The following GPHN variants were observed in gnomAD, a reference collection of about 807,000 sequenced individuals.
The protein encoded by GPHN is gephyrin.
GPHN carries 17 observed loss-of-function variants against 95.5 expected under a neutral mutation model. That is an observed-to-expected ratio of 0.18 (90% confidence interval 0.12 to 0.27). The LOEUF (loss-of-function observed/expected upper bound fraction) is 0.27. GPHN is among the 10% of genes least tolerant of loss of function. The pLI, the probability that GPHN is intolerant of heterozygous loss-of-function variation, is 1.00. For missense variants in GPHN, 660 were observed against 978.1 expected (o/e 0.67, Z 4.34); for synonymous variants, 320 against 322.5 (o/e 0.99, Z 0.08).
At chr14:66,850,376 A>G (rs994017579) in intron 4 of GPHN, among the ~76,000 whole-genome samples, 1 of 152,206 alleles carries the variant, frequency 6.6e-6, no homozygotes, top group Non-Finnish European at 1.5e-5. Context: ...AAACCATTTT[A>G]TAAACTTCTC....
At chr14:67,581,005 G>A in the GPHN span, 1 of 1,613,092 alleles carries the variant, frequency 6.2e-7, no homozygotes, top group Non-Finnish European at 8.5e-7. Context: ...TCTGAGGGTG[G>A]GACACGCGTC....
intron 1 of GPHN, among the ~76,000 whole-genome samples, chr14:66,615,789 C>T (rs2062987772): frequency 6.6e-6 from 1 of 151,276 alleles, no homozygotes; most frequent in African/African-American, 2.4e-5. Context: ...GAAGTCTTTG[C>T]CCATGCCTGT....
the GPHN span, among the ~76,000 whole-genome samples, chr14:67,331,651 CT>C: frequency 6.6e-6 from 1 of 151,962 alleles, no homozygotes; most frequent in Admixed American, 6.6e-5. Flanking sequence ...ACATGAAGTA[CT>C]AAATAAGTGA....
chr14:67,709,036 T>A, the GPHN span, among the ~76,000 whole-genome samples: 1 of 152,186 alleles, frequency 6.6e-6, no homozygotes, highest in Non-Finnish European at 1.5e-5. Flanking sequence ...CATGATCCGC[T>A]GGCCTTGGCT....
intron 10 of GPHN, among the ~76,000 whole-genome samples, chr14:67,050,838 C>T (rs72715310): frequency 0.052 from 7,692 of 148,386 alleles, 213 homozygotes; most frequent in Middle Eastern, 0.07. Flanking sequence ...TGAGGAAAAG[C>T]AGAGTGGAGT....
chr14:67,313,744 T>G, the GPHN span, among the ~76,000 whole-genome samples: 2 of 152,148 alleles, frequency 1.3e-5, no homozygotes, highest in Non-Finnish European at 2.9e-5. Flanking sequence ...CTTACATACT[T>G]TACTTGAAAG....
intron 1 of GPHN, among the ~76,000 whole-genome samples, chr14:66,600,371 G>A (rs1445282341): frequency 1.3e-5 from 2 of 151,992 alleles, no homozygotes; most frequent in Non-Finnish European, 2.9e-5. Context: ...ATATTTGTCA[G>A]TATTCTAAGT....
At chr14:66,994,658 G>C (rs2071663244) in intron 9 of GPHN, among the ~76,000 whole-genome samples, 1 of 152,150 alleles carries the variant, frequency 6.6e-6, no homozygotes, top group Non-Finnish European at 1.5e-5. Context: ...GAAAGATAAA[G>C]TATTTCAGTT....
chr14:66,932,457 T>TTGTTTTG (rs1555444719), intron 8 of GPHN, among the ~76,000 whole-genome samples: 5 of 124,208 alleles, frequency 4.0e-5, no homozygotes, highest in Admixed American at 8.2e-5. Flanking sequence ...TTTTTTTTTT[T>TTGTTTTG]TTTTTTTTTT....
chr14:67,058,923 C>A (rs539711367), intron 11 of GPHN, 137 bp downstream of exon 11: 3 of 802,550 alleles, frequency 3.7e-6, no homozygotes, highest in Non-Finnish European at 6.1e-6. Context: ...CTTTTTTTTT[C>A]TTATTTCTAC....
At chr14:67,658,168 A>G in the GPHN span, among the ~76,000 whole-genome samples, 1 of 152,284 alleles carries the variant, frequency 6.6e-6, no homozygotes, top group Admixed American at 6.5e-5. Flanking sequence ...GGTTTTCAAA[A>G]TAAAAGATGC....
At chr14:67,051,247 AG>A (rs2075293949) in intron 10 of GPHN, among the ~76,000 whole-genome samples, 1 of 152,242 alleles carries the variant, frequency 6.6e-6, no homozygotes, top group Non-Finnish European at 1.5e-5. Flanking sequence ...CCAGTCTGCC[AG>A]TTTAGAGAGG....
the GPHN span, among the ~76,000 whole-genome samples, chr14:67,302,812 A>G: frequency 7.0e-6 from 1 of 143,278 alleles, no homozygotes; most frequent in Admixed American, 6.8e-5. Flanking sequence ...AATCAGTAAT[A>G]TAACTCATTA....
At chr14:67,535,347 G>A in the GPHN span, among the ~76,000 whole-genome samples, 4 of 139,542 alleles carry the variant, frequency 2.9e-5, no homozygotes, top group African/African-American at 1.1e-4. Context: ...GATCTCCAGA[G>A]TTAGATCTGG....
intron 8 of GPHN, among the ~76,000 whole-genome samples, chr14:66,949,526 T>C (rs1016586961): frequency 2.6e-5 from 4 of 152,200 alleles, no homozygotes; most frequent in Non-Finnish European, 5.9e-5. Context: ...GTGCACATTT[T>C]GGACTTGGCC....
At chr14:67,440,966 C>T in the GPHN span, among the ~76,000 whole-genome samples, 7 of 152,110 alleles carry the variant, frequency 4.6e-5, no homozygotes, top group African/African-American at 9.7e-5. Context: ...CCTCAGAGCT[C>T]GGCTTGTCTC....
At chr14:66,813,877 T>A (rs1284462419) in intron 3 of GPHN, among the ~76,000 whole-genome samples, 1 of 152,110 alleles carries the variant, frequency 6.6e-6, no homozygotes, top group African/African-American at 2.4e-5. Context: ...TTGAGGTCCC[T>A]GGGTACCCAC....
At chr14:66,538,210 GT>G (rs928723237) in intron 1 of GPHN, among the ~76,000 whole-genome samples, 2 of 151,796 alleles carry the variant, frequency 1.3e-5, no homozygotes, top group African/African-American at 2.4e-5. Flanking sequence ...AGGAGTGTGC[GT>G]TTTTTTGGCT....
the GPHN span, among the ~76,000 whole-genome samples, chr14:67,731,355 C>T: frequency 6.6e-6 from 1 of 151,826 alleles, no homozygotes; most frequent in South Asian, 2.1e-4. Flanking sequence ...GCTGGGATTA[C>T]AGGTGCATGC....
Sources: gnomAD v4.1 joint callset for allele counts (sites outside exome capture counted in the v4.1 genomes callset) on GRCh38, gnomAD v4.1.1 for gene constraint, MANE v1.5 for transcripts, NCBI Gene and HGNC (gene_info 2026-07-23, HGNC 2026-07-21) for gene names.